Variants in PDE10A observed in about 807,000 individuals in gnomAD.
PDE10A encodes the protein phosphodiesterase 10A, also known as cAMP and cAMP-inhibited cGMP 3',5'-cyclic phosphodiesterase 10A.
In PDE10A, 39 loss-of-function variants were observed where a neutral mutation model predicts 97.7. The ratio of observed to expected loss-of-function variants is 0.40; its 90% confidence interval spans 0.31 to 0.52. PDE10A has a LOEUF of 0.52. Among genes scored for constraint, PDE10A ranks in the 20% least tolerant of loss-of-function variants. The pLI, the probability that PDE10A is intolerant of heterozygous loss-of-function variation, is 0.56. For missense variants in PDE10A, 731 were observed against 1,047.8 expected (o/e 0.70, Z 4.17); for synonymous variants, 371 against 376.8 (o/e 0.98, Z 0.18).
chr6:165,441,240 C>T (rs1437710416), intron 5 of PDE10A, among the ~76,000 whole-genome samples: 1 of 152,174 alleles, frequency 6.6e-6, no homozygotes, highest in Non-Finnish European at 1.5e-5. Context: ...GCAGCCCCAT[C>T]GAATTCATGG....
chr6:165,432,473 G>A (rs887260270), intron 7 of PDE10A, among the ~76,000 whole-genome samples: 6 of 152,198 alleles, frequency 3.9e-5, no homozygotes, highest in African/African-American at 1.4e-4. Context: ...ATTCAGGCAA[G>A]TGAACAGGAG....
At chr6:165,944,284 G>T (rs1042716367) in intron 1 of PDE10A, among the ~76,000 whole-genome samples, 1 of 152,162 alleles carries the variant, frequency 6.6e-6, no homozygotes, top group East Asian at 1.9e-4. Flanking sequence ...TTTGGGTGGG[G>T]ACACAGCCAA....
chr6:165,529,824 C>T (rs1003466412), intron 2 of PDE10A, among the ~76,000 whole-genome samples: 1 of 152,046 alleles, frequency 6.6e-6, no homozygotes, highest in African/African-American at 2.4e-5. Flanking sequence ...TTTATTTGAA[C>T]ATTGCCTATG....
intron 1 of PDE10A, among the ~76,000 whole-genome samples, chr6:165,826,821 C>G (rs2128470285): frequency 6.7e-6 from 1 of 149,640 alleles, no homozygotes; most frequent in Non-Finnish European, 1.5e-5. Flanking sequence ...GGAGGAGAGC[C>G]AGGAGGGGTG....
At chr6:165,696,550 T>C (rs1405601585) in intron 1 of PDE10A, among the ~76,000 whole-genome samples, 2 of 151,512 alleles carry the variant, frequency 1.3e-5, no homozygotes, top group African/African-American at 2.4e-5. Flanking sequence ...ACTGGGGGGG[T>C]CTTGGAATGT....
chr6:165,539,854 A>T (rs1783320985), intron 2 of PDE10A, among the ~76,000 whole-genome samples: 1 of 152,116 alleles, frequency 6.6e-6, no homozygotes, highest in South Asian at 2.1e-4. Context: ...TTGAACCTTG[A>T]GGCGGAGGTT....
intron 1 of PDE10A, among the ~76,000 whole-genome samples, chr6:165,732,717 T>G (rs1031370074): frequency 6.6e-6 from 1 of 152,248 alleles, no homozygotes; most frequent in African/African-American, 2.4e-5. Flanking sequence ...ATTCCCTATC[T>G]GGTCCCAGCG....
chr6:165,810,883 T>G (rs1433334443), intron 1 of PDE10A, among the ~76,000 whole-genome samples: 1 of 151,848 alleles, frequency 6.6e-6, no homozygotes, highest in Non-Finnish European at 1.5e-5. Flanking sequence ...ACTAGATTAA[T>G]CTTTCTAAGG....
chr6:165,532,484 A>G (rs968257036), intron 2 of PDE10A, among the ~76,000 whole-genome samples: 1 of 152,008 alleles, frequency 6.6e-6, no homozygotes, highest in East Asian at 1.9e-4. Flanking sequence ...GCAATGTACA[A>G]TAAGTGCATG....
intron 1 of PDE10A, among the ~76,000 whole-genome samples, chr6:165,763,299 T>C (rs922954081): frequency 2.0e-5 from 3 of 152,172 alleles, no homozygotes; most frequent in Non-Finnish European, 4.4e-5. Flanking sequence ...CTCCATGATG[T>C]TCCTTTTATG....
intron 1 of PDE10A, among the ~76,000 whole-genome samples, chr6:165,561,423 A>C (rs1461663928): frequency 6.6e-6 from 1 of 152,164 alleles, no homozygotes; most frequent in Non-Finnish European, 1.5e-5. Flanking sequence ...TCTTTACAGC[A>C]GTGTGGGAAG....
intron 2 of PDE10A, among the ~76,000 whole-genome samples, chr6:165,528,624 G>T (rs1782590196): frequency 6.6e-6 from 1 of 152,332 alleles, no homozygotes; most frequent in East Asian, 1.9e-4. Context: ...CTTCTGCCAA[G>T]ACTACTGTCC....
intron 1 of PDE10A, among the ~76,000 whole-genome samples, chr6:165,938,966 T>C (rs1421780317): frequency 6.6e-6 from 1 of 152,158 alleles, no homozygotes; most frequent in Non-Finnish European, 1.5e-5. Context: ...ATCAAAAAAC[T>C]GGAAATAACA....
intron 3 of PDE10A, among the ~76,000 whole-genome samples, chr6:165,468,586 G>A (rs1012446579): frequency 1.3e-5 from 2 of 152,144 alleles, no homozygotes; most frequent in Non-Finnish European, 2.9e-5. Flanking sequence ...ATGATTATAT[G>A]TAAGGTTTTT....
chr6:165,599,169 T>A (rs1786785981), intron 1 of PDE10A, among the ~76,000 whole-genome samples: 1 of 152,232 alleles, frequency 6.6e-6, no homozygotes, highest in African/African-American at 2.4e-5. Flanking sequence ...CCTCCACTAC[T>A]GTGACTGCCA....
chr6:165,656,976 T>C (rs1790000602), intron 1 of PDE10A, among the ~76,000 whole-genome samples: 1 of 152,216 alleles, frequency 6.6e-6, no homozygotes, highest in Non-Finnish European at 1.5e-5. Flanking sequence ...CAAAGAGTGC[T>C]CATCGATTTC....
chr6:165,384,651 T>TGA (rs1785157634), intron 17 of PDE10A, among the ~76,000 whole-genome samples: 1 of 50,288 alleles, frequency 2.0e-5, no homozygotes, highest in Admixed American at 2.2e-4. Context: ...TGTGTGTGTG[T>TGA]GTGTGTGTGT....
In PDE10A at chr6:165,902,409, A is replaced by G. The variant is rs151143980; in HGVS notation, c.-615+85120T>C. Among the ~76,000 whole-genome samples the G allele has an allele frequency of 1.2e-3, 178 of 152,296 alleles. 1 individual carries two copies. Among genetic ancestry groups the G allele is most frequent in the African/African-American group, 4.0e-3 (167 of 41,568 alleles). Reference sequence around the variant, plus strand: ...GGATTCAAGGTCAAATGATCAGCTGACTGTTTTTTATCCCAATTGGTGGGT... The same window carrying G: ...GGATTCAAGGTCAAATGATCAGCTGGCTGTTTTTTATCCCAATTGGTGGGT... On this transcript the variant is annotated intron_variant, in intron 1 of 19. Transcript: ENST00000366882.
At chr6:165,875,747 TGTG>T (rs1171344090) in intron 1 of PDE10A, among the ~76,000 whole-genome samples, 401 of 133,146 alleles carry the variant, frequency 3.0e-3, no homozygotes, top group African/African-American at 0.012. Flanking sequence ...TTTTTTTTTT[TGTG>T]TGTGTGTGTG....
Sources: gnomAD v4.1 joint callset for allele counts (sites outside exome capture counted in the v4.1 genomes callset) on GRCh38, gnomAD v4.1.1 for gene constraint, MANE v1.5 for transcripts, NCBI Gene and HGNC (gene_info 2026-07-23, HGNC 2026-07-21) for gene names.